Variants in LRRK1 observed in about 807,000 individuals in gnomAD.
The protein encoded by LRRK1 is leucine-rich repeat serine/threonine-protein kinase 1.
Under a neutral mutation model 209.1 loss-of-function variants are expected in LRRK1, and 113 were observed. That is an observed-to-expected ratio of 0.54 (90% confidence interval 0.46 to 0.63). The LOEUF is 0.63. LRRK1 is among the 30% of genes least tolerant of loss of function. LRRK1 has a pLI of 0.00. For synonymous variants in LRRK1, 1,144 were observed against 1,099.7 expected (o/e 1.04, Z -0.80); for missense variants, 2,284 against 2,632.2 (o/e 0.87, Z 2.89).
At chr15:100,950,957 G>A (rs1433879851) in intron 2 of LRRK1, among the ~76,000 whole-genome samples, 1 of 152,178 alleles carries the variant, frequency 6.6e-6, no homozygotes, top group African/African-American at 2.4e-5. Context: ...CAAAAAATTA[G>A]CCGGGCGTGG....
intron 20 of LRRK1, among the ~76,000 whole-genome samples, chr15:101,039,886 C>G (rs937748548): frequency 3.9e-5 from 6 of 152,114 alleles, no homozygotes; most frequent in African/African-American, 1.4e-4. Context: ...GATGGATTTT[C>G]AAATGTTAAA....
intron 12 of LRRK1, among the ~76,000 whole-genome samples, chr15:101,020,357 T>A (rs773511673): frequency 1.3e-5 from 2 of 150,224 alleles, no homozygotes; most frequent in Middle Eastern, 3.2e-3. Flanking sequence ...CTTCTAGATA[T>A]CCGGTTCTGA....
At chr15:101,013,751 G>T (rs773787820) in intron 10 of LRRK1, among the ~76,000 whole-genome samples, 4 of 152,168 alleles carry the variant, frequency 2.6e-5, no homozygotes, top group Non-Finnish European at 4.4e-5. Context: ...GGCTACCCAC[G>T]AGGGGCACCC....
At chr15:101,014,223 C>A (rs550637514) in intron 10 of LRRK1, 93 bp from the exon 11 acceptor site, 3 of 854,542 alleles carry the variant, frequency 3.5e-6, no homozygotes, top group Admixed American at 4.4e-5. Context: ...CGTTTGACTG[C>A]GCGTGGTTGG....
Position 100,962,814 on chromosome 15 carries a change from TATATA to T in LRRK1, c.98-10989_98-10985del, listed in dbSNP as rs1362198831. ...TTTTGCATATATATATATATATATATATATATATATTTTTTTTTTTTTTTTTGAGA... is the reference window on the plus strand; with the variant it reads ...TTTTGCATATATATATATATATATATTATATTTTTTTTTTTTTTTTTGAGA... On this transcript the variant is annotated intron_variant, in intron 2 of 33. Coordinates refer to ENST00000388948, the MANE Select transcript of LRRK1 (RefSeq NM_024652.6). Among the ~76,000 whole-genome samples the T allele has an allele frequency of 2.1e-4, 7 of 33,960 alleles. 1 individual carries two copies. Among genetic ancestry groups the T allele is most frequent in the African/African-American group, 6.8e-4 (7 of 10,310 alleles). 22.3% of individuals were successfully genotyped at this position (33,960 alleles called of 152,430 possible).
In LRRK1 at chr15:101,054,979, C is replaced by A; in HGVS notation, c.4088C>A (p.Thr1363Asn). The change falls in exon 27 of 34, where the codon ACC becomes AAC. Residue 1363 changes from threonine (T) to asparagine (N), a missense_variant. Thr to Asn is a moderately conservative substitution (Grantham distance 65). Around this residue, in one of 6 missense-constraint regions of LRRK1, gnomAD observed 780 missense variants for 985.2 expected, o/e 0.79. Transcript: ENST00000388948. ...TTTATACCCCTGGGACACATGCTCA[C>A]CCAAAAAATAGCCTACCAGATCGCC... ...SSFIPLGHML[T>N]QKIAYQIASG... 6.2e-7 allele frequency: 1 copy of A among 1,613,576 alleles called. No homozygotes were observed. The highest frequency in any genetic ancestry group is 1.3e-5 in the African/African-American group (1 of 75,014).
chr15:101,013,039 C>T (rs1459519353), intron 10 of LRRK1, among the ~76,000 whole-genome samples: 2 of 152,198 alleles, frequency 1.3e-5, no homozygotes, highest in Non-Finnish European at 2.9e-5. Context: ...TTTTTGGCTT[C>T]CCCCAAAGCC....
rs1258583719 is a variant in LRRK1 at position 101,057,003 on chromosome 15, C to T, written c.4480C>T (p.Arg1494Ter). ...GCAGCCGGAGGAAGTGCAGTTCCGGCGACTGCAGGCGCTCATGATGGAGTG... is the reference window on the plus strand; with the variant it reads ...GCAGCCGGAGGAAGTGCAGTTCCGGTGACTGCAGGCGCTCATGATGGAGTG... Reference protein sequence around the residue: ...LGQPEEVQFRRLQALMMECWD... With the variant: ...LGQPEEVQFR The change falls in exon 28 of 34, where the codon CGA (arginine) becomes TGA (stop). Residue 1494 changes from arginine to a stop codon, truncating the protein, a stop_gained. Coordinates refer to ENST00000388948, the MANE Select transcript of LRRK1 (RefSeq NM_024652.6). LOFTEE classifies it high-confidence loss of function. The T allele has an allele frequency of 3.7e-6, 6 of 1,613,578 alleles. No individual in the cohort carries two copies. The highest frequency in any genetic ancestry group is 1.1e-5 in the South Asian group (1 of 90,988).
intron 2 of LRRK1, among the ~76,000 whole-genome samples, chr15:100,968,786 TCCTTCC>T (rs527686938): frequency 1.0e-3 from 149 of 143,804 alleles, no homozygotes; most frequent in Middle Eastern, 7.0e-3. Flanking sequence ...CCTTCCCCTT[TCCTTCC>T]CCTTCCCCTT....
At chr15:101,049,854 C>A in intron 23 of LRRK1, 71 bp downstream of exon 23, 1 of 1,497,728 alleles carries the variant, frequency 6.7e-7, no homozygotes, top group East Asian at 2.3e-5. Context: ...GGGGCTGCTG[C>A]TTTCGGGGTG....
chr15:100,989,512 G>A (rs896337225), intron 6 of LRRK1, 114 bp downstream of exon 6: 17 of 1,135,180 alleles, frequency 1.5e-5, no homozygotes, highest in Non-Finnish European at 2.0e-5. Context: ...TACAGGTCTG[G>A]AGATTGAGAA....
intron 4 of LRRK1, among the ~76,000 whole-genome samples, chr15:100,988,185 G>A (rs2031969985): frequency 6.6e-6 from 1 of 152,168 alleles, no homozygotes; most frequent in Non-Finnish European, 1.5e-5. Flanking sequence ...ACATATGCAG[G>A]TTTGTTACGT....
At chr15:100,986,036 A>C (rs949032803) in intron 4 of LRRK1, among the ~76,000 whole-genome samples, 3 of 91,344 alleles carry the variant, frequency 3.3e-5, no homozygotes, top group African/African-American at 6.0e-5. Context: ...CTGTATCTAC[A>C]AAAAAAAAAA....
chr15:100,941,818 G>A (rs2042443070), intron 2 of LRRK1, among the ~76,000 whole-genome samples: 1 of 152,146 alleles, frequency 6.6e-6, no homozygotes, highest in African/African-American at 2.4e-5. Flanking sequence ...CACATCGAGT[G>A]TAGACCCATC....
rs1344347761 is a variant in LRRK1, at chr15:101,024,833, A to G, written c.2098A>G (p.Ile700Val). 4.3e-6 allele frequency: 7 copies of G among 1,614,108 alleles called. No homozygotes were observed. The highest frequency in any genetic ancestry group is 5.9e-6 in the Non-Finnish European group (7 of 1,179,974). Residue 700 changes from isoleucine to valine, a missense_variant, in exon 16 of 34, where the codon ATC becomes GTC. Physicochemically the swap from Ile to Val is conservative, Grantham distance 29 (BLOSUM62 3). This residue lies in a region of LRRK1 where 780 missense variants were observed against 985.2 expected (regional missense o/e 0.79). Coordinates refer to ENST00000388948, the MANE Select transcript of LRRK1 (RefSeq NM_024652.6). This position sits in a 1 kb window ranked among gnomAD's most constrained non-coding sequence, Gnocchi z 4.6. ...VESVEFNVWD[I>V]GGPASMATVN... Reference sequence around the variant, plus strand: ...GTCCGTGGAGTTCAACGTCTGGGACATCGGGGGACCGGCCAGCATGGCCAC... The same window carrying G: ...GTCCGTGGAGTTCAACGTCTGGGACGTCGGGGGACCGGCCAGCATGGCCAC...
chr15:101,022,033 G>T lies in LRRK1; in HGVS notation c.1852+76G>T. The stretch of plus-strand genomic sequence containing the variant: ...TCCAGTCCACTTGTTAAGTTCTGGG[G>T]GTGGAGACAGTTGGTGACCCATGGA... On this transcript the variant is annotated intron_variant, in intron 14 of 33. Coordinates refer to ENST00000388948, the MANE Select transcript of LRRK1 (RefSeq NM_024652.6). The surrounding 1 kb of genome is among the most constrained non-coding windows in gnomAD (Gnocchi z 4.0). 1 of 1,060,538 alleles carries T rather than the reference G, an allele frequency of 9.4e-7. No homozygotes were observed. The highest frequency in any genetic ancestry group is 1.4e-6 in the Non-Finnish European group (1 of 712,940). The allele number at this position is 1,060,538 out of a possible 1,614,324, so 65.7% of individuals were successfully genotyped here. A position where few individuals can be genotyped will look rare whatever the true frequency, so the allele number is the denominator to read the frequency against.
At chr15:100,945,912 G>A (rs1363491174) in intron 2 of LRRK1, among the ~76,000 whole-genome samples, 1 of 152,134 alleles carries the variant, frequency 6.6e-6, no homozygotes, top group Non-Finnish European at 1.5e-5. Context: ...GCTCTATCAA[G>A]ATCTATCTAA....
At chr15:100,923,564 G>A (rs2042056518) in intron 1 of LRRK1, among the ~76,000 whole-genome samples, 1 of 152,178 alleles carries the variant, frequency 6.6e-6, no homozygotes, top group Non-Finnish European at 1.5e-5. Context: ...TGTCAGGCCT[G>A]AGCTAGGCAT....
Position 101,066,755 on chromosome 15 carries a change from G to T in LRRK1, c.5870+14G>T. 1 of 1,606,186 alleles carries T rather than the reference G, an allele frequency of 6.2e-7. No homozygotes were observed. Among genetic ancestry groups the T allele is most frequent in the South Asian group, 1.1e-5 (1 of 90,910 alleles). On this transcript the variant is annotated intron_variant, in intron 33 of 33. Coordinates refer to ENST00000388948, the MANE Select transcript of LRRK1 (RefSeq NM_024652.6). The stretch of plus-strand genomic sequence containing the variant: ...GACTCCGCATGGGTAAGACTGAGTG[G>T]CAGCTCCTTTAGGACCCAGGCAGCA...
Sources: gnomAD v4.1 joint callset for allele counts (sites outside exome capture counted in the v4.1 genomes callset) on GRCh38, gnomAD v4.1.1 for gene constraint, gnomAD v4.1.1 regional missense constraint, Gnocchi (gnomAD v3.1) non-coding constraint, MANE v1.5 for transcripts, NCBI Gene and HGNC (gene_info 2026-07-23, HGNC 2026-07-21) for gene names.